Variants in ITPKC observed in about 807,000 individuals in gnomAD.
ITPKC encodes the protein inositol-trisphosphate 3-kinase C, also known as IP3 3-kinase C.
Under a neutral mutation model 67.1 loss-of-function variants are expected in ITPKC, and 33 were observed. The observed-to-expected ratio is 0.49, with a 90% CI of 0.37 to 0.66. The LOEUF is 0.66. Among genes scored for constraint, ITPKC ranks in the 30% least tolerant of loss-of-function variants. The probability of loss-of-function intolerance (pLI) is 0.00; values close to 1 mark genes in which losing one functional copy is unlikely to be tolerated. For synonymous variants in ITPKC, 341 were observed against 359.8 expected (o/e 0.95, Z 0.59); for missense variants, 820 against 892.1 (o/e 0.92, Z 1.03).
intron 4 of ITPKC, among the ~76,000 whole-genome samples, chr19:40,736,717 C>CTGG (rs1204300706): frequency 2.6e-5 from 4 of 152,050 alleles, no homozygotes; most frequent in Non-Finnish European, 5.9e-5. Context: ...GTTGGCCAGG[C>CTGG]TGGTTGTGAA....
intron 3 of ITPKC, among the ~76,000 whole-genome samples, chr19:40,732,070 A>C (rs1190349228): frequency 2.0e-5 from 3 of 151,934 alleles, no homozygotes; most frequent in Non-Finnish European, 1.5e-5. Flanking sequence ...CTCTGACTCT[A>C]CTAAAAAAAT....
intron 1 of ITPKC, among the ~76,000 whole-genome samples, chr19:40,720,366 C>CAAA (rs200873505): frequency 2.6e-5 from 3 of 116,184 alleles, no homozygotes; most frequent in Non-Finnish European, 3.7e-5. Flanking sequence ...GACTCGGTCT[C>CAAA]AAAAAAAAAA....
Position 40,726,297 on chromosome 19 carries a change from G to A in ITPKC, c.1255+858G>A, listed in dbSNP as rs558941824. Among the ~76,000 whole-genome samples, 10 of 151,986 alleles carry A rather than the reference G, an allele frequency of 6.6e-5. No homozygotes were observed. In the East Asian group the frequency reaches 1.9e-3, roughly 29 times the overall value. ...TTATGAATGGAAATGATCACTCCTT[G>A]CCTTCTCCGCGTGTTCAGAGCATAG... On this transcript the variant is annotated intron_variant, in intron 2 of 6. Coordinates refer to ENST00000263370, the MANE Select transcript of ITPKC (RefSeq NM_025194.3).
intron 6 of ITPKC, 97 bp from the exon 7 acceptor site, chr19:40,739,259 AG>A (rs1201225927): frequency 3.6e-6 from 3 of 838,414 alleles, no homozygotes; most frequent in African/African-American, 3.4e-5. Flanking sequence ...GCCAGGCTCC[AG>A]GGTTCATGCT....
intron 4 of ITPKC, among the ~76,000 whole-genome samples, chr19:40,733,595 G>A (rs188873884): frequency 6.6e-5 from 10 of 152,194 alleles, no homozygotes; most frequent in African/African-American, 2.4e-4. Context: ...CTTCTCCATG[G>A]TCATGTCCTA....
Position 40,733,198 on chromosome 19 carries a change from G to A in ITPKC, c.1508G>A (p.Arg503His), listed in dbSNP as rs759457048. 4.3e-6 allele frequency: 7 copies of A among 1,614,088 alleles called. No individual in the cohort carries two copies. Among genetic ancestry groups the A allele is most frequent in the African/African-American group, 1.3e-5 (1 of 74,930 alleles). The stretch of plus-strand genomic sequence containing the variant: ...GAGGAGCTAGTGAAGGCACGGGAAC[G>A]TCCCCGTCCCCGGAAGGACATGTAT... ...LEEELVKARE[R>H]PRPRKDMYEK... Residue 503 changes from arginine to histidine, a missense_variant, in exon 4 of 7, where the codon CGT becomes CAT. Transcript: ENST00000263370.
At chr19:40,736,650 C>T (rs2082295619) in intron 4 of ITPKC, among the ~76,000 whole-genome samples, 1 of 151,988 alleles carries the variant, frequency 6.6e-6, no homozygotes, top group South Asian at 2.1e-4. Context: ...ATTACAGGCG[C>T]CCGCCACCAC....
At chr19:40,725,516 C>A in intron 2 of ITPKC, 77 bp downstream of exon 2, 1 of 991,532 alleles carries the variant, frequency 1.0e-6, no homozygotes, top group Non-Finnish European at 1.6e-6. Flanking sequence ...TAGTTTAGTT[C>A]CCCCACCTAG....
chr19:40,738,856 G>C (rs1174015198), intron 6 of ITPKC, among the ~76,000 whole-genome samples: 1 of 152,080 alleles, frequency 6.6e-6, no homozygotes, highest in Non-Finnish European at 1.5e-5. Flanking sequence ...GGATAGTACT[G>C]AACTATAGAC....
chr19:40,734,918 A>C (rs1435061882), intron 4 of ITPKC, among the ~76,000 whole-genome samples: 1 of 151,358 alleles, frequency 6.6e-6, no homozygotes, highest in Non-Finnish European at 1.5e-5. Flanking sequence ...AGTAGCTGGG[A>C]TTACAGGTGT....
At position 40,729,492 on chromosome 19, in the gene ITPKC, G is replaced by A. The variant is rs527437410; in HGVS notation, c.1469+77G>A. ...ATTGAAAATATTGGCCTGGCCAGGC[G>A]CGGTGGCTCACGCCTGTAATCCCAG... is the stretch of plus-strand genomic sequence containing the variant. On this transcript the variant is annotated intron_variant, in intron 3 of 6. Coordinates refer to ENST00000263370, the MANE Select transcript of ITPKC (RefSeq NM_025194.3). 5.1e-5 allele frequency: 65 copies of A among 1,277,426 alleles called. No individual in the cohort carries two copies. In the East Asian group the frequency reaches 5.7e-4, roughly 11 times the overall value. 79.1% of individuals were successfully genotyped at this position (1,277,426 alleles called of 1,614,324 possible).
intron 4 of ITPKC, among the ~76,000 whole-genome samples, chr19:40,733,882 T>G (rs1023564429): frequency 3.3e-5 from 5 of 152,154 alleles, no homozygotes; most frequent in Non-Finnish European, 7.4e-5. Flanking sequence ...CATAGGGAGC[T>G]TCTGTTTCTA....
At chr19:40,736,829 A>AT (rs33978293) in intron 4 of ITPKC, among the ~76,000 whole-genome samples, 157 bp from the exon 5 acceptor site, 37,969 of 147,060 alleles carry the variant, frequency 0.26, 5,007 homozygotes, top group African/African-American at 0.34. Context: ...CCACACCAGA[A>AT]TTTTTTTTTT....
chr19:40,724,818 A>T (rs2144738280), intron 1 of ITPKC, among the ~76,000 whole-genome samples: 1 of 152,052 alleles, frequency 6.6e-6, no homozygotes, highest in Non-Finnish European at 1.5e-5. Context: ...ACATGGTGGC[A>T]TGCACCTGTA....
intron 2 of ITPKC, 56 bp downstream of exon 2, chr19:40,725,495 G>A (rs1392017733): frequency 1.7e-6 from 2 of 1,193,544 alleles, no homozygotes; most frequent in Non-Finnish European, 2.5e-6. Flanking sequence ...CAGGGAAAGG[G>A]ATGTTCTCTG....
chr19:40,738,301 C>A (rs1232718233), intron 6 of ITPKC, among the ~76,000 whole-genome samples: 2 of 151,710 alleles, frequency 1.3e-5, no homozygotes, highest in Admixed American at 6.6e-5. Flanking sequence ...TGGTGGCGGG[C>A]GCCTGTAGTC....
rs544984128 is a variant in ITPKC, at chr19:40,737,798, G to A, written c.1848+29G>A. On this transcript the variant is annotated intron_variant, in intron 6 of 6. Coordinates refer to ENST00000263370, the MANE Select transcript of ITPKC (RefSeq NM_025194.3). The stretch of plus-strand genomic sequence containing the variant: ...CGAGCCCTGGCTTCCATGGGTGGAT[G>A]TATGGGTGTCGGGGTCCAGGTGCAT... 9 of 1,583,810 alleles carry A rather than the reference G, an allele frequency of 5.7e-6. No homozygotes were observed. In the South Asian group the frequency reaches 8.8e-5, roughly 16 times the overall value.
In ITPKC at chr19:40,725,532, G is replaced by A. The variant is rs1599649994; in HGVS notation, c.1255+93G>A. On this transcript the variant is annotated intron_variant, in intron 2 of 6. Transcript: ENST00000263370. ...AGTTTAGTTCCCCCACCTAGTGATG[G>A]GCTTGGTGACAGTCCCCACCTTATG... The A allele has an allele frequency of 1.9e-5, 17 of 890,356 alleles. No individual in the cohort carries two copies. In the East Asian group the frequency reaches 4.1e-4, roughly 21 times the overall value. 55.2% of individuals were successfully genotyped at this position (890,356 alleles called of 1,614,324 possible). A position where few individuals can be genotyped will look rare whatever the true frequency, so the allele number is the denominator to read the frequency against.
intron 3 of ITPKC, among the ~76,000 whole-genome samples, chr19:40,731,772 T>A (rs2082272418): frequency 6.6e-6 from 1 of 151,664 alleles, no homozygotes; most frequent in Non-Finnish European, 1.5e-5. Context: ...CAGCATTCCT[T>A]CCCCCAGAGT....
Sources: gnomAD v4.1 joint callset for allele counts (sites outside exome capture counted in the v4.1 genomes callset) on GRCh38, gnomAD v4.1.1 for gene constraint, MANE v1.5 for transcripts, NCBI Gene and HGNC (gene_info 2026-07-23, HGNC 2026-07-21) for gene names.